GBE1: variants seen among roughly 807,000 people sequenced by gnomAD.
The protein encoded by GBE1 is 1,4-alpha-glucan-branching enzyme.
Under a neutral mutation model 88.8 loss-of-function variants are expected in GBE1, and 70 were observed. The observed-to-expected ratio is 0.79, with a 90% CI of 0.65 to 0.96. The LOEUF (loss-of-function observed/expected upper bound fraction) is 0.96. Among genes scored for constraint, GBE1 ranks in the 40% least tolerant of loss-of-function variants. The probability of loss-of-function intolerance (pLI) is 0.00; values close to 1 mark genes in which losing one functional copy is unlikely to be tolerated. For synonymous variants in GBE1, 284 were observed against 300.1 expected (o/e 0.95, Z 0.56); for missense variants, 872 against 871.0 (o/e 1.00, Z -0.01).
At chr3:81,533,821 T>C (rs1358211035) in intron 14 of GBE1, among the ~76,000 whole-genome samples, 1 of 152,048 alleles carries the variant, frequency 6.6e-6, no homozygotes, top group Admixed American at 6.6e-5. Flanking sequence ...TGCATTTTGT[T>C]GTATCTGAAG....
intron 3 of GBE1, among the ~76,000 whole-genome samples, chr3:81,666,501 T>C (rs1705116009): frequency 2.0e-5 from 3 of 152,174 alleles, no homozygotes; most frequent in Admixed American, 2.0e-4. Context: ...TGTCCTGTTG[T>C]TTTCCACACA....
At chr3:81,599,625 A>C (rs1278598249) in intron 7 of GBE1, among the ~76,000 whole-genome samples, 1 of 152,198 alleles carries the variant, frequency 6.6e-6, no homozygotes, top group Admixed American at 6.5e-5. Context: ...AAAACACAGT[A>C]TTATCATCTT....
At chr3:81,552,070 C>A (rs1360790751) in intron 12 of GBE1, among the ~76,000 whole-genome samples, 1 of 152,188 alleles carries the variant, frequency 6.6e-6, no homozygotes, top group African/African-American at 2.4e-5. Context: ...ACTTGGAAAA[C>A]AATTTTCAAC....
At chr3:81,652,156 A>T (rs1324634896) in intron 3 of GBE1, among the ~76,000 whole-genome samples, 1 of 152,206 alleles carries the variant, frequency 6.6e-6, no homozygotes, top group Non-Finnish European at 1.5e-5. Context: ...TCCAGGCTCA[A>T]TATTATCCAG....
intron 7 of GBE1, among the ~76,000 whole-genome samples, chr3:81,611,632 A>C (rs1704184266): frequency 1.3e-5 from 2 of 152,184 alleles, no homozygotes; most frequent in Admixed American, 6.6e-5. Context: ...GAAGACCTTC[A>C]AGGGAAAGGT....
chr3:81,610,979 T>A (rs963286671), intron 7 of GBE1, among the ~76,000 whole-genome samples: 1 of 151,676 alleles, frequency 6.6e-6, no homozygotes, highest in African/African-American at 2.4e-5. Flanking sequence ...GATTTTAAGA[T>A]TTTGCCAGAC....
At chr3:81,564,539 T>C (rs1277553925) in intron 12 of GBE1, among the ~76,000 whole-genome samples, 1 of 152,180 alleles carries the variant, frequency 6.6e-6, no homozygotes, top group Non-Finnish European at 1.5e-5. Flanking sequence ...ATTAGTATAA[T>C]CTTTTTATAT....
intron 1 of GBE1, among the ~76,000 whole-genome samples, chr3:81,720,559 T>G (rs1324377111): frequency 6.6e-6 from 1 of 152,072 alleles, no homozygotes; most frequent in Non-Finnish European, 1.5e-5. Context: ...TTACCCAAAT[T>G]GAAATTGAGA....
At position 81,554,728 on chromosome 3, in the gene GBE1, T is replaced by C. The variant is rs575849291; in HGVS notation, c.1619-17633A>G. ...AATTTGATAACTGACATCAGTTTAATTGAATACTGGTATCATTCCAGGCTG... is the reference window on the plus strand; with the variant it reads ...AATTTGATAACTGACATCAGTTTAACTGAATACTGGTATCATTCCAGGCTG... On this transcript the variant is annotated intron_variant, in intron 12 of 15. Transcript: ENST00000429644. Among the ~76,000 whole-genome samples, 14 of 152,352 alleles carry C rather than the reference T, an allele frequency of 9.2e-5. No individual in the cohort carries two copies. The South Asian group carries it at 2.7e-3, about 29-fold the overall frequency.
intron 12 of GBE1, among the ~76,000 whole-genome samples, chr3:81,574,365 A>T (rs1559649492): frequency 6.6e-6 from 1 of 152,146 alleles, no homozygotes; most frequent in Non-Finnish European, 1.5e-5. Context: ...GTTTTATATA[A>T]GTATAACAGT....
intron 2 of GBE1, among the ~76,000 whole-genome samples, chr3:81,671,238 A>T (rs1471147303): frequency 6.6e-6 from 1 of 152,200 alleles, no homozygotes; most frequent in Non-Finnish European, 1.5e-5. Context: ...CAATAAACAG[A>T]ATGCAAAAGA....
At chr3:81,657,256 T>C (rs184912597) in intron 3 of GBE1, among the ~76,000 whole-genome samples, 2 of 152,204 alleles carry the variant, frequency 1.3e-5, no homozygotes, top group Non-Finnish European at 2.9e-5. Flanking sequence ...GCATACGTGA[T>C]GTAAATGAAG....
intron 1 of GBE1, among the ~76,000 whole-genome samples, chr3:81,728,905 CCCTT>C (rs1706150554): frequency 6.6e-6 from 1 of 151,866 alleles, no homozygotes; most frequent in Non-Finnish European, 1.5e-5. Flanking sequence ...AATTCACCCC[CCCTT>C]TTTTTTTTGC....
At chr3:81,524,341 T>C (rs961119500) in intron 14 of GBE1, among the ~76,000 whole-genome samples, 12 of 151,902 alleles carry the variant, frequency 7.9e-5, no homozygotes, top group African/African-American at 2.9e-4. Flanking sequence ...ATAAGATTAT[T>C]AAATTTTTTC....
chr3:81,657,138 A>AG (rs1172097314), intron 3 of GBE1, among the ~76,000 whole-genome samples: 4 of 151,190 alleles, frequency 2.6e-5, no homozygotes, highest in Non-Finnish European at 4.4e-5. Flanking sequence ...CCGTCTCAAA[A>AG]AAAAAAAAAA....
chr3:81,750,529 A>ATATATATG (rs1706482614), intron 1 of GBE1, among the ~76,000 whole-genome samples: 6 of 80,516 alleles, frequency 7.5e-5, no homozygotes, highest in African/African-American at 4.8e-4. Flanking sequence ...ACATTCATAT[A>ATATATATG]TATATATACG....
At chr3:81,533,902 G>A (rs1703040908) in intron 14 of GBE1, among the ~76,000 whole-genome samples, 1 of 151,990 alleles carries the variant, frequency 6.6e-6, no homozygotes, top group Non-Finnish European at 1.5e-5. Context: ...GACATTGCTG[G>A]CACCCTGAGA....
chr3:81,644,511 G>C (rs1704738400), intron 6 of GBE1, among the ~76,000 whole-genome samples: 1 of 152,168 alleles, frequency 6.6e-6, no homozygotes, highest in African/African-American at 2.4e-5. Context: ...GGTCAAGAAA[G>C]AAAAGAGGTG....
intron 2 of GBE1, among the ~76,000 whole-genome samples, chr3:81,678,060 T>C (rs763085597): frequency 5.9e-5 from 9 of 152,206 alleles, no homozygotes; most frequent in Non-Finnish European, 1.2e-4. Flanking sequence ...CTGAGAAATG[T>C]GTCATTAGGT....
Sources: gnomAD v4.1 joint callset for allele counts (sites outside exome capture counted in the v4.1 genomes callset) on GRCh38, gnomAD v4.1.1 for gene constraint, MANE v1.5 for transcripts, NCBI Gene and HGNC (gene_info 2026-07-23, HGNC 2026-07-21) for gene names.